The following SH2D4B variants were observed in gnomAD, a reference collection of about 807,000 sequenced individuals.
The protein encoded by SH2D4B is SH2 domain-containing protein 4B.
Under a neutral mutation model 61.5 loss-of-function variants are expected in SH2D4B, and 45 were observed. The observed-to-expected ratio is 0.73, with a 90% CI of 0.58 to 0.94. The LOEUF (loss-of-function observed/expected upper bound fraction) is 0.94, where lower values mean the gene tolerates loss of function less well. Ranked by LOEUF, SH2D4B falls within the 40% of genes least tolerant of loss-of-function variation. SH2D4B has a pLI of 0.00. For synonymous variants in SH2D4B, 224 were observed against 220.4 expected (o/e 1.02, Z -0.14); for missense variants, 572 against 574.2 (o/e 1.00, Z 0.04).
At chr10:80,624,834 G>C (rs1842753471) in intron 6 of SH2D4B, among the ~76,000 whole-genome samples, 1 of 152,138 alleles carries the variant, frequency 6.6e-6, no homozygotes. Flanking sequence ...TGCCATAGCA[G>C]TAATGTGTGA....
chr10:80,641,939 A>T (rs1487993591), intron 7 of SH2D4B, among the ~76,000 whole-genome samples: 5 of 152,248 alleles, frequency 3.3e-5, no homozygotes, highest in Non-Finnish European at 7.3e-5. Context: ...ATCAAATACA[A>T]TACAAAGTGA....
At chr10:80,575,205 A>T (rs1291246818) in intron 3 of SH2D4B, among the ~76,000 whole-genome samples, 4 of 151,626 alleles carry the variant, frequency 2.6e-5, no homozygotes, top group Non-Finnish European at 5.9e-5. Flanking sequence ...CAAATGTGGT[A>T]AAATATTAAT....
At chr10:80,568,389 C>A (rs915978282) in intron 1 of SH2D4B, among the ~76,000 whole-genome samples, 1 of 152,106 alleles carries the variant, frequency 6.6e-6, no homozygotes, top group African/African-American at 2.4e-5. Flanking sequence ...AGCAATCTTT[C>A]GGCAAGGAGG....
chr10:80,561,677 G>A lies in SH2D4B; in HGVS notation c.185-8477G>A, dbSNP rs1021622476. ...ACATGTTATGTCACTAAGGTACCCT[G>A]ATCAAAACTAAGAAATTAACATGGC... On this transcript the variant is annotated intron_variant, in intron 1 of 7. Coordinates refer to ENST00000646907, the MANE Select transcript of SH2D4B (RefSeq NM_001388272.1). 2.6e-5 allele frequency among the ~76,000 whole-genome samples: 4 copies of A among 152,078 alleles called. No individual in the cohort carries two copies. In the East Asian group the frequency reaches 7.7e-4, roughly 29 times the overall value.
At chr10:80,643,325 A>G (rs949348296) in intron 7 of SH2D4B, among the ~76,000 whole-genome samples, 18 of 151,022 alleles carry the variant, frequency 1.2e-4, no homozygotes, top group Admixed American at 4.0e-4. Flanking sequence ...ATTAATGCAC[A>G]TCTCTTAAAG....
intron 1 of SH2D4B, among the ~76,000 whole-genome samples, chr10:80,556,890 T>C (rs1841844916): frequency 6.6e-6 from 1 of 152,194 alleles, no homozygotes; most frequent in African/African-American, 2.4e-5. Context: ...AACTTTTATT[T>C]AATTTTCTTG....
intron 6 of SH2D4B, among the ~76,000 whole-genome samples, chr10:80,623,073 C>A (rs1842733387): frequency 6.6e-6 from 1 of 152,182 alleles, no homozygotes; most frequent in East Asian, 1.9e-4. Flanking sequence ...TGCCACCACA[C>A]CTGGCTAATT....
intron 3 of SH2D4B, among the ~76,000 whole-genome samples, chr10:80,576,185 G>A (rs1842123157): frequency 6.6e-6 from 1 of 152,218 alleles, no homozygotes; most frequent in Admixed American, 6.5e-5. Context: ...CAGTGATAGA[G>A]TGGGTGAGAA....
rs114676111 is a variant in SH2D4B, at chr10:80,540,658, G to C, written c.184+2143G>C. ...GGAACTCCAATTAAACAAGTGAGCTGTGCACACATTCACTTGTTCACTCAT... is the reference window on the plus strand; with the variant it reads ...GGAACTCCAATTAAACAAGTGAGCTCTGCACACATTCACTTGTTCACTCAT... On this transcript the variant is annotated intron_variant, in intron 1 of 7. Coordinates refer to ENST00000646907, the MANE Select transcript of SH2D4B (RefSeq NM_001388272.1). Among the ~76,000 whole-genome samples, 778 of 152,284 alleles carry C rather than the reference G, an allele frequency of 5.1e-3. 6 individuals are homozygous for C. The highest frequency in any genetic ancestry group is 0.018 in the African/African-American group (731 of 41,544).
intron 6 of SH2D4B, among the ~76,000 whole-genome samples, chr10:80,617,622 A>G (rs1019674340): frequency 2.0e-5 from 3 of 151,812 alleles, no homozygotes; most frequent in Non-Finnish European, 4.4e-5. Flanking sequence ...CTTGTGAGAA[A>G]CAACAACAAA....
intron 6 of SH2D4B, among the ~76,000 whole-genome samples, chr10:80,632,010 T>C (rs953972888): frequency 1.3e-5 from 2 of 152,160 alleles, no homozygotes; most frequent in African/African-American, 4.8e-5. Context: ...TGATCACACA[T>C]CACTGCAGCC....
At chr10:80,583,485 A>C (rs1400308618) in intron 3 of SH2D4B, among the ~76,000 whole-genome samples, 3 of 135,102 alleles carry the variant, frequency 2.2e-5, no homozygotes, top group Non-Finnish European at 4.6e-5. Flanking sequence ...CCTGACCAAC[A>C]TGATGAAACC....
At chr10:80,589,849 A>T (rs1056707451) in intron 4 of SH2D4B, among the ~76,000 whole-genome samples, 3 of 152,148 alleles carry the variant, frequency 2.0e-5, no homozygotes, top group African/African-American at 7.2e-5. Context: ...GGAACACGGA[A>T]TGCCTGGGAA....
At chr10:80,589,080 T>G (rs1842295579) in intron 4 of SH2D4B, among the ~76,000 whole-genome samples, 2 of 151,956 alleles carry the variant, frequency 1.3e-5, no homozygotes, top group Admixed American at 1.3e-4. Flanking sequence ...CTCAGCTCAC[T>G]GCAACTTCTG....
At chr10:80,608,915 G>T (rs966788142) in intron 5 of SH2D4B, among the ~76,000 whole-genome samples, 2 of 152,174 alleles carry the variant, frequency 1.3e-5, no homozygotes, top group African/African-American at 4.8e-5. Context: ...TCCCCTCAGA[G>T]GGCGGGGAGG....
In SH2D4B at chr10:80,603,629, G is replaced by C. The variant is rs768694588; in HGVS notation, c.694G>C (p.Ala232Pro). ...DEERSRRAQR[A>P]RDEYRHHSLR... ...GGAGAGGAGCCGCCGAGCCCAGCGC[G>C]CCCGGGACGAGTACCGACACCACTC... The change falls in exon 5 of 8, where the codon GCC becomes CCC. Residue 232 changes from alanine (A) to proline (P), a missense_variant. Transcript: ENST00000646907. 6.3e-7 allele frequency: 1 copy of C among 1,592,094 alleles called. No homozygotes were observed. The highest frequency in any genetic ancestry group is 1.3e-5 in the African/African-American group (1 of 74,758).
rs190264526 is a variant in SH2D4B at position 80,587,558 on chromosome 10, C to T, written c.496-1072C>T. 6.4e-4 allele frequency among the ~76,000 whole-genome samples: 97 copies of T among 150,982 alleles called. No individual in the cohort carries two copies. The South Asian group carries it at 0.015, about 23-fold the overall frequency. On this transcript the variant is annotated intron_variant, in intron 3 of 7. Coordinates refer to ENST00000646907, the MANE Select transcript of SH2D4B (RefSeq NM_001388272.1). ...CCTCCCAGAGTGCTGGGATTACACG[C>T]GTGAGCCACGACGCCCAGCTTTTTT...
Position 80,539,079 on chromosome 10 carries a change from G to C in SH2D4B, c.184+564G>C, listed in dbSNP as rs906361702. On this transcript the variant is annotated intron_variant, in intron 1 of 7. Coordinates refer to ENST00000646907, the MANE Select transcript of SH2D4B (RefSeq NM_001388272.1). The surrounding 1 kb of genome is among the most constrained non-coding windows in gnomAD (Gnocchi z 4.9). ...GGCATCAGGGAACGTCCCACACAAT[G>C]AATGACCATCCCCAAATGGTCGTAG... is the stretch of plus-strand genomic sequence containing the variant. Among the ~76,000 whole-genome samples, 4 of 152,206 alleles carry C rather than the reference G, an allele frequency of 2.6e-5. No homozygotes were observed. Among genetic ancestry groups the C allele is most frequent in the African/African-American group, 4.8e-5 (2 of 41,454 alleles).
At chr10:80,626,225 G>A (rs1190160327) in intron 6 of SH2D4B, among the ~76,000 whole-genome samples, 1 of 151,746 alleles carries the variant, frequency 6.6e-6, no homozygotes, top group East Asian at 1.9e-4. Context: ...ATTATTTTCT[G>A]AAGATTTTTT....
Sources: allele counts gnomAD v4.1 joint callset (sites outside exome capture counted in the v4.1 genomes callset), GRCh38; gene constraint gnomAD v4.1.1; non-coding constraint Gnocchi (gnomAD v3.1); transcripts MANE v1.5; gene names NCBI Gene and HGNC (gene_info 2026-07-23, HGNC 2026-07-21).